RFX3: variants seen among roughly 807,000 people sequenced by gnomAD.
RFX3 encodes transcription factor RFX3.
A neutral mutation model predicts 98.6 loss-of-function variants in RFX3; 14 were observed. That is an observed-to-expected ratio of 0.14 (90% CI 0.09 to 0.22). The LOEUF is 0.22. Ranked by LOEUF, RFX3 falls within the 10% of genes least tolerant of loss-of-function variation. The probability of loss-of-function intolerance (pLI) is 1.00; values close to 1 mark genes in which losing one functional copy is unlikely to be tolerated. For missense variants in RFX3, 639 were observed against 926.9 expected (o/e 0.69, Z 4.03); for synonymous variants, 383 against 328.4 (o/e 1.17, Z -1.80).
chr9:3,283,979 C>T (rs1368053189), intron 7 of RFX3, among the ~76,000 whole-genome samples: 1 of 151,716 alleles, frequency 6.6e-6, no homozygotes, highest in Admixed American at 6.6e-5. Context: ...TTATGGACTT[C>T]GGTTTTCTCA....
intron 5 of RFX3, among the ~76,000 whole-genome samples, chr9:3,293,522 T>C (rs556333874): frequency 6.6e-6 from 1 of 152,334 alleles, no homozygotes; most frequent in East Asian, 1.9e-4. Context: ...TAATTTTCCC[T>C]GTATTGATTC....
intron 1 of RFX3, among the ~76,000 whole-genome samples, chr9:3,472,126 G>A (rs910562602): frequency 2.6e-5 from 4 of 152,178 alleles, no homozygotes; most frequent in African/African-American, 9.7e-5. Context: ...GTAACGCACT[G>A]TATTTGTTTA....
intron 4 of RFX3, 91 bp from the exon 5 acceptor site, chr9:3,301,711 A>G (rs1295487410): frequency 1.1e-6 from 1 of 874,120 alleles, no homozygotes; most frequent in Non-Finnish European, 1.8e-6. Flanking sequence ...TTAAAGTCCA[A>G]CTTCTTCCTC....
intron 16 of RFX3, among the ~76,000 whole-genome samples, chr9:3,227,924 G>A (rs530364369): frequency 5.3e-5 from 8 of 152,164 alleles, no homozygotes; most frequent in South Asian, 2.1e-4. Flanking sequence ...GACTCCCCAC[G>A]TACTTCTTTT....
intron 1 of RFX3, among the ~76,000 whole-genome samples, chr9:3,428,032 T>C (rs1056423473): frequency 6.6e-6 from 1 of 152,082 alleles, no homozygotes; most frequent in African/African-American, 2.4e-5. Flanking sequence ...GCAGAGCAAA[T>C]GTGGGGCTCT....
chr9:3,248,263 A>G (rs1249429663), intron 14 of RFX3, 78 bp from the exon 15 acceptor site: 3 of 1,465,154 alleles, frequency 2.0e-6, no homozygotes, highest in Non-Finnish European at 9.0e-7. Context: ...TCCTCTTAAA[A>G]AAAAGTCAAG....
intron 2 of RFX3, among the ~76,000 whole-genome samples, chr9:3,371,017 T>A (rs965787353): frequency 1.3e-5 from 2 of 152,114 alleles, no homozygotes; most frequent in African/African-American, 4.8e-5. Context: ...AATCCTTTTT[T>A]AAAAAAAGCA....
chr9:3,429,955 C>T (rs1029832512), intron 1 of RFX3, among the ~76,000 whole-genome samples: 1 of 152,180 alleles, frequency 6.6e-6, no homozygotes, highest in African/African-American at 2.4e-5. Context: ...ATCCCATTGA[C>T]AACTCTTAAA....
At chr9:3,399,356 A>T (rs1353804875) in intron 1 of RFX3, among the ~76,000 whole-genome samples, 3 of 151,860 alleles carry the variant, frequency 2.0e-5, no homozygotes, top group Non-Finnish European at 2.9e-5. Flanking sequence ...AGACAGGAGA[A>T]TCCCTTGAAC....
At chr9:3,334,666 G>A (rs1432095563) in intron 3 of RFX3, among the ~76,000 whole-genome samples, 2 of 152,102 alleles carry the variant, frequency 1.3e-5, no homozygotes, top group East Asian at 1.9e-4. Flanking sequence ...AACACACACT[G>A]GGGTAAAGAG....
chr9:3,252,990 G>T (rs1209188204), intron 14 of RFX3, among the ~76,000 whole-genome samples: 1 of 152,166 alleles, frequency 6.6e-6, no homozygotes, highest in African/African-American at 2.4e-5. Flanking sequence ...ACAATTAACA[G>T]TTTAATTGGA....
intron 1 of RFX3, among the ~76,000 whole-genome samples, chr9:3,412,699 T>A (rs1343869923): frequency 6.6e-6 from 1 of 152,166 alleles, no homozygotes; most frequent in East Asian, 1.9e-4. Flanking sequence ...TTCTGTCCAC[T>A]TTTTAAGCAT....
chr9:3,283,967 C>T (rs1043707022), intron 7 of RFX3, among the ~76,000 whole-genome samples: 9 of 151,776 alleles, frequency 5.9e-5, no homozygotes, highest in Admixed American at 2.6e-4. Flanking sequence ...GTTATTTAAC[C>T]TTTATGGACT....
intron 3 of RFX3, chr9:3,344,828 T>C (rs976767360): frequency 1.4e-6 from 1 of 714,678 alleles, no homozygotes. Flanking sequence ...ATGCCAACAG[T>C]AGTTTAAGTT....
chr9:3,488,830 TTTGTCTC>T (rs1850492893), intron 1 of RFX3: 1 of 984,918 alleles, frequency 1.0e-6, no homozygotes, highest in East Asian at 1.1e-4. Flanking sequence ...TCTCTTGAGC[TTTGTCTC>T]TTAACTAGCA....
At chr9:3,234,141 C>T (rs1021024829) in intron 15 of RFX3, among the ~76,000 whole-genome samples, 1 of 152,108 alleles carries the variant, frequency 6.6e-6, no homozygotes, top group Non-Finnish European at 1.5e-5. Context: ...CAAAATAAAA[C>T]AAAACTGATA....
rs117773433 is a variant in RFX3 at position 3,343,423 on chromosome 9, C to G, written c.215+3244G>C. Among the ~76,000 whole-genome samples, 594 of 152,194 alleles carry G rather than the reference C, an allele frequency of 3.9e-3. 2 individuals carry two copies. The highest frequency in any genetic ancestry group is 6.2e-3 in the Non-Finnish European group (422 of 68,002). ...TTGCTGTTAATTCAGTGTGGTAGAA[C>G]AGAATAATATGGAATATTCTTTCCT... On this transcript the variant is annotated intron_variant, in intron 3 of 16. Transcript: ENST00000617270.
chr9:3,289,289 A>G (rs1264091083), intron 6 of RFX3, among the ~76,000 whole-genome samples: 1 of 152,110 alleles, frequency 6.6e-6, no homozygotes, highest in Non-Finnish European at 1.5e-5. Context: ...ATTTGAAGAC[A>G]TTAAAATTAT....
At chr9:3,249,147 G>GT (rs1821060156) in intron 14 of RFX3, among the ~76,000 whole-genome samples, 1 of 152,070 alleles carries the variant, frequency 6.6e-6, no homozygotes, top group Non-Finnish European at 1.5e-5. Flanking sequence ...GGAGAAAGAG[G>GT]TAAAAACTCA....
Sources: allele counts gnomAD v4.1 joint callset (sites outside exome capture counted in the v4.1 genomes callset), GRCh38; gene constraint gnomAD v4.1.1; transcripts MANE v1.5; gene names NCBI Gene and HGNC (gene_info 2026-07-23, HGNC 2026-07-21).